SLC17A1: variants seen among roughly 807,000 people sequenced by gnomAD.
SLC17A1 encodes solute carrier family 17 member 1, also known as sodium-dependent phosphate transport protein 1.
In SLC17A1, 51 loss-of-function variants were observed where a neutral mutation model predicts 53.5. The ratio of observed to expected loss-of-function variants is 0.95; its 90% CI spans 0.76 to 1.20. The LOEUF (loss-of-function observed/expected upper bound fraction) is 1.20. Ranked by LOEUF, SLC17A1 falls within the 50% of genes most tolerant of loss-of-function variation. SLC17A1 has a pLI of 0.00. For missense variants in SLC17A1, 538 were observed against 568.2 expected (o/e 0.95, Z 0.54); for synonymous variants, 179 against 198.8 (o/e 0.90, Z 0.84).
At position 25,819,166 on chromosome 6, in the gene SLC17A1, G is replaced by A; in HGVS notation, c.530-12C>T. 4 of 1,576,096 alleles carry A rather than the reference G, an allele frequency of 2.5e-6. No individual in the cohort carries two copies. The highest frequency in any genetic ancestry group is 2.3e-5 in the South Asian group (2 of 85,444). On this transcript the variant is annotated splice_polypyrimidine_tract_variant and intron_variant, in intron 5 of 12. Transcript: ENST00000244527. Reference sequence around the variant, plus strand: ...TCCCAGCAAAAACCCTAATCAGTAGGTACAAAGAACACCCCTAATTAATGC... The same window carrying A: ...TCCCAGCAAAAACCCTAATCAGTAGATACAAAGAACACCCCTAATTAATGC...
At chr6:25,776,319 C>T in the SLC17A1 span, among the ~76,000 whole-genome samples, 1 of 151,414 alleles carries the variant, frequency 6.6e-6, no homozygotes, top group Non-Finnish European at 1.5e-5. Context: ...TGTTATTACC[C>T]TTTGCCTATT....
the SLC17A1 span, among the ~76,000 whole-genome samples, chr6:25,725,018 A>ATTT: frequency 7.0e-5 from 10 of 142,058 alleles, no homozygotes; most frequent in South Asian, 2.2e-4. Flanking sequence ...TAACCAAATG[A>ATTT]TTTTTTTTTT....
In SLC17A1 at chr6:25,803,164, T is replaced by A. The variant is rs1208971891; in HGVS notation, c.1179-2184A>T. The stretch of plus-strand genomic sequence containing the variant: ...GGTTTCACTGTATTAGCCAGGATGG[T>A]CTGACCTCATGATCCGCCTGCCTCA... On this transcript the variant is annotated intron_variant, in intron 10 of 12. Transcript: ENST00000244527. Among the ~76,000 whole-genome samples the A allele has an allele frequency of 2.0e-5, 3 of 151,948 alleles. No homozygotes were observed. In the East Asian group the frequency reaches 5.8e-4, roughly 29 times the overall value.
the SLC17A1 span, chr6:25,770,933 G>C: frequency 6.2e-7 from 1 of 1,613,774 alleles, no homozygotes; most frequent in South Asian, 1.1e-5. Flanking sequence ...CAGGGTCAAT[G>C]CTGGGGTCCT....
chr6:25,799,783 TCTGCA>T (rs1763700070), intron 11 of SLC17A1, among the ~76,000 whole-genome samples: 1 of 152,206 alleles, frequency 6.6e-6, no homozygotes, highest in Non-Finnish European at 1.5e-5. Context: ...GGAAGTCAGC[TCTGCA>T]CACCTGAGTG....
At chr6:25,807,265 G>A (rs187632609) in intron 10 of SLC17A1, among the ~76,000 whole-genome samples, 6 of 152,228 alleles carry the variant, frequency 3.9e-5, no homozygotes, top group African/African-American at 1.4e-4. Context: ...ATTCACAGTT[G>A]CAAAGATATG....
chr6:25,784,990 T>C (rs1763349797), intron 12 of SLC17A1, among the ~76,000 whole-genome samples: 1 of 152,154 alleles, frequency 6.6e-6, no homozygotes, highest in Non-Finnish European at 1.5e-5. Flanking sequence ...ACAAATGATA[T>C]AATCTTGCTT....
intron 2 of SLC17A1, among the ~76,000 whole-genome samples, chr6:25,829,346 C>T (rs956171780): frequency 8.5e-5 from 13 of 152,054 alleles, no homozygotes; most frequent in Admixed American, 7.9e-4. Context: ...AATTTTGTGC[C>T]ATATGAACTT....
chr6:25,818,680 T>C (rs1198464348), intron 6 of SLC17A1, among the ~76,000 whole-genome samples: 1 of 152,234 alleles, frequency 6.6e-6, no homozygotes, highest in African/African-American at 2.4e-5. Flanking sequence ...TTTCATTTTT[T>C]ACTGTAGAAA....
At chr6:25,778,146 A>G, downstream of SLC17A1, 2 of 617,874 alleles carry the variant, frequency 3.2e-6, no homozygotes, top group East Asian at 5.5e-5. Context: ...TTACATGATG[A>G]CTTAAGAATT....
intron 12 of SLC17A1, among the ~76,000 whole-genome samples, chr6:25,784,344 G>T (rs933438684): frequency 2.0e-5 from 3 of 152,122 alleles, no homozygotes; most frequent in African/African-American, 7.2e-5. Context: ...GTTTATTTTG[G>T]CTTATGGTTC....
chr6:25,751,642 T>G, the SLC17A1 span, among the ~76,000 whole-genome samples: 2 of 152,208 alleles, frequency 1.3e-5, no homozygotes, highest in Admixed American at 1.3e-4. Context: ...CAAGACACGA[T>G]GGTCATGAAT....
chr6:25,813,790 G>A lies in SLC17A1; in HGVS notation c.617-577C>T, dbSNP rs538444561. On this transcript the variant is annotated intron_variant, in intron 6 of 12. Transcript: ENST00000244527. ...GTGTTGTTCCCCTCTACGTGTTCAC[G>A]TGTTCTCATCATTTAGCTCCCACTT... 2.6e-4 allele frequency among the ~76,000 whole-genome samples: 39 copies of A among 152,190 alleles called. No individual in the cohort carries two copies. In the South Asian group the frequency reaches 7.1e-3, roughly 28 times the overall value.
Position 25,819,546 on chromosome 6 carries a change from AG to A in SLC17A1, c.493del (p.Leu165TrpfsTer9). 1 of 1,614,104 alleles carries A rather than the reference AG, an allele frequency of 6.2e-7. No homozygotes were observed. Among genetic ancestry groups the A allele is most frequent in the Non-Finnish European group, 8.5e-7 (1 of 1,179,940 alleles). ...FEIYVKWAPP[L>X]ERGRLTSMST... ...CATAGAAGTAAGTCGGCCTCGTTCC[AG>A]GGGAGGAGCCCATTTGACATATATT... is the stretch of plus-strand genomic sequence containing the variant. On this transcript the variant is annotated frameshift_variant, in exon 5 of 13. Coordinates refer to ENST00000244527, the MANE Select transcript of SLC17A1 (RefSeq NM_005074.5). LOFTEE classifies it high-confidence loss of function.
At chr6:25,749,351 A>G in the SLC17A1 span, among the ~76,000 whole-genome samples, 1 of 152,248 alleles carries the variant, frequency 6.6e-6, no homozygotes, top group Non-Finnish European at 1.5e-5. Flanking sequence ...AGGTTGGGGC[A>G]AAGTTACAGA....
chr6:25,733,903 C>T, the SLC17A1 span, among the ~76,000 whole-genome samples: 1 of 151,716 alleles, frequency 6.6e-6, no homozygotes, highest in Non-Finnish European at 1.5e-5. Flanking sequence ...CAACCTCCAC[C>T]TCCTGGGTTC....
intron 1 of SLC17A1, among the ~76,000 whole-genome samples, chr6:25,831,489 C>T (rs1470514031): frequency 6.6e-6 from 1 of 152,134 alleles, no homozygotes; most frequent in Non-Finnish European, 1.5e-5. Context: ...ACACAAACCA[C>T]CCATACGTAT....
chr6:25,809,078 T>C (rs1399703345), intron 10 of SLC17A1, among the ~76,000 whole-genome samples: 2 of 151,956 alleles, frequency 1.3e-5, no homozygotes, highest in Non-Finnish European at 2.9e-5. Context: ...TAAAAAAGAA[T>C]GAAATCATGT....
the SLC17A1 span, among the ~76,000 whole-genome samples, chr6:25,739,283 C>G: frequency 1.3e-5 from 2 of 152,284 alleles, no homozygotes; most frequent in Admixed American, 1.3e-4. Context: ...AGCAAGCTTT[C>G]TGGATTCGCT....
Sources: allele counts gnomAD v4.1 joint callset (sites outside exome capture counted in the v4.1 genomes callset), GRCh38; gene constraint gnomAD v4.1.1; transcripts MANE v1.5; gene names NCBI Gene and HGNC (gene_info 2026-07-23, HGNC 2026-07-21).